The following SAR1B variants were observed in gnomAD, a reference collection of about 807,000 sequenced individuals.
SAR1B encodes the protein secretion associated Ras related GTPase 1B.
A neutral mutation model predicts 26.8 loss-of-function variants in SAR1B; 23 were observed. That is an observed-to-expected ratio of 0.86 (90% CI 0.62 to 1.22). The LOEUF (loss-of-function observed/expected upper bound fraction) is 1.22, where lower values mean the gene tolerates loss of function less well. Among genes scored for constraint, SAR1B ranks in the 50% most tolerant of loss-of-function variants. The pLI, the probability that SAR1B is intolerant of heterozygous loss-of-function variation, is 0.00. For synonymous variants in SAR1B, 65 were observed against 80.8 expected (o/e 0.80, Z 1.05); for missense variants, 196 against 232.8 (o/e 0.84, Z 1.03).
In SAR1B at chr5:134,612,680, A is replaced by AAT; in HGVS notation, c.244+10_244+11insAT. On this transcript the variant is annotated intron_variant, in intron 4 of 6. Transcript: ENST00000402673. ...AAAAAAAAAAAAAAAAAAAAAAAAA[A>AAT]AGAATCTTACCTTGAACATGTCCAC... 1 of 1,043,434 alleles carries AAT rather than the reference A, an allele frequency of 9.6e-7. No individual in the cohort carries two copies. Among genetic ancestry groups the AAT allele is most frequent in the Non-Finnish European group, 1.3e-6 (1 of 760,638 alleles). The allele number at this position is 1,043,434 out of a possible 1,614,324, so 64.6% of individuals were successfully genotyped here.
intron 4 of SAR1B, among the ~76,000 whole-genome samples, chr5:134,611,941 T>C (rs754514653): frequency 1.3e-5 from 2 of 152,062 alleles, no homozygotes; most frequent in Non-Finnish European, 2.9e-5. Context: ...GATGAGAGGA[T>C]TGCTTGAGCC....
chr5:134,627,466 G>T (rs929603432), intron 1 of SAR1B, among the ~76,000 whole-genome samples: 2 of 151,974 alleles, frequency 1.3e-5, no homozygotes, highest in African/African-American at 2.4e-5. Context: ...CTGAGTACCT[G>T]GGGGCTACAG....
chr5:134,608,274 A>G, intron 6 of SAR1B, 98 bp downstream of exon 6: 9 of 1,280,458 alleles, frequency 7.0e-6, no homozygotes, highest in Non-Finnish European at 9.7e-6. Flanking sequence ...TCTTTAAGAA[A>G]ATGATAATGG....
At chr5:134,621,192 G>A (rs1166305130) in intron 2 of SAR1B, 140 bp from the exon 3 acceptor site, 18 of 928,330 alleles carry the variant, frequency 1.9e-5, no homozygotes, top group East Asian at 2.8e-5. Flanking sequence ...ATTCATGGCC[G>A]GGCACGGTGG....
chr5:134,617,742 C>T (rs985517207), intron 3 of SAR1B, among the ~76,000 whole-genome samples: 4 of 152,032 alleles, frequency 2.6e-5, no homozygotes, highest in South Asian at 2.1e-4. Context: ...AATGCAGTGG[C>T]GCCATCTTGG....
chr5:134,612,604 C>A, intron 4 of SAR1B, 87 bp downstream of exon 4: 2 of 1,254,332 alleles, frequency 1.6e-6, no homozygotes. Context: ...GAGATTGCAC[C>A]ACTGCACTCC....
intron 2 of SAR1B, among the ~76,000 whole-genome samples, chr5:134,622,684 A>G (rs1036072793): frequency 6.6e-6 from 1 of 151,628 alleles, no homozygotes; most frequent in Non-Finnish European, 1.5e-5. Flanking sequence ...TGCTGGGATT[A>G]CAGGCGTGAG....
At chr5:134,622,633 A>G (rs1765429323) in intron 2 of SAR1B, among the ~76,000 whole-genome samples, 1 of 150,840 alleles carries the variant, frequency 6.6e-6, no homozygotes, top group African/African-American at 2.4e-5. Flanking sequence ...GATGGTCTTG[A>G]TCTCCTGACC....
rs1433143387 is a variant in SAR1B, at chr5:134,604,435, C to T, written c.*2515G>A. ...CTGTGCTTCTACTGTTTCTTGCCAT[C>T]CTCTTAATTTGGTTCTCTTGAAAAA... is the stretch of plus-strand genomic sequence containing the variant. On this transcript the variant is annotated 3_prime_UTR_variant, in exon 7 of 7. Coordinates refer to ENST00000402673, the MANE Select transcript of SAR1B (RefSeq NM_016103.4). The T allele has an allele frequency of 6.6e-6, 1 of 152,204 alleles. No homozygotes were observed. The highest frequency in any genetic ancestry group is 2.4e-5 in the African/African-American group (1 of 41,436). 9.4% of individuals were successfully genotyped at this position (152,204 alleles called of 1,614,324 possible).
At chr5:134,624,089 T>C (rs1765457614) in intron 1 of SAR1B, 52 bp from the exon 2 acceptor site, 1 of 980,448 alleles carries the variant, frequency 1.0e-6, no homozygotes. Flanking sequence ...CCAATATACA[T>C]TAAACTCCAA....
At chr5:134,608,706 A>G (rs2150049802) in intron 5 of SAR1B, among the ~76,000 whole-genome samples, 1 of 152,306 alleles carries the variant, frequency 6.6e-6, no homozygotes, top group East Asian at 1.9e-4. Context: ...CTCTTCCTGT[A>G]AATGTTTACT....
Position 134,605,105 on chromosome 5 carries a change from C to T in SAR1B, c.*1845G>A, listed in dbSNP as rs759179433. On this transcript the variant is annotated 3_prime_UTR_variant, in exon 7 of 7. Transcript: ENST00000402673. ...TGAAACCAAATGTCATCTTAAGAAG[C>T]GACCTTGTCAGCTTAGCTAAATAGT... 10 of 152,172 alleles carry T rather than the reference C, an allele frequency of 6.6e-5. No homozygotes were observed. The highest frequency in any genetic ancestry group is 1.9e-4 in the East Asian group (1 of 5,198). 9.4% of individuals were successfully genotyped at this position (152,172 alleles called of 1,614,324 possible). A position where few individuals can be genotyped will look rare whatever the true frequency, so the allele number is the denominator to read the frequency against.
chr5:134,631,082 T>A (rs1211568932), intron 1 of SAR1B, among the ~76,000 whole-genome samples: 1 of 151,436 alleles, frequency 6.6e-6, no homozygotes, highest in Admixed American at 6.6e-5. Flanking sequence ...TTTTTTTTTT[T>A]AATGTAGAGA....
At chr5:134,612,400 A>C (rs944978000) in intron 4 of SAR1B, among the ~76,000 whole-genome samples, 1 of 152,136 alleles carries the variant, frequency 6.6e-6, no homozygotes, top group African/African-American at 2.4e-5. Flanking sequence ...TAATGGCCAC[A>C]TTTTTGTTAA....
At chr5:134,631,465 G>A (rs945339798) in intron 1 of SAR1B, 6 of 152,160 alleles carry the variant, frequency 3.9e-5, no homozygotes, top group African/African-American at 4.8e-5. Flanking sequence ...CTTACTCATA[G>A]TAGTCAATAA....
rs1037743819 is a variant in SAR1B at position 134,604,848 on chromosome 5, G to A, written c.*2102C>T. On this transcript the variant is annotated 3_prime_UTR_variant, in exon 7 of 7. Coordinates refer to ENST00000402673, the MANE Select transcript of SAR1B (RefSeq NM_016103.4). The stretch of plus-strand genomic sequence containing the variant: ...CTAGGAAATACTTGAAGAAAGGCAG[G>A]TCCCTGAAGGTACAGATAACATGAA... 3 of 152,138 alleles carry A rather than the reference G, an allele frequency of 2.0e-5. No homozygotes were observed. The highest frequency in any genetic ancestry group is 1.3e-4 in the Admixed American group (2 of 15,254). The allele number at this position is 152,138 out of a possible 1,614,324, so 9.4% of individuals were successfully genotyped here.
At chr5:134,615,764 C>G (rs1391967415) in intron 3 of SAR1B, among the ~76,000 whole-genome samples, 1 of 152,050 alleles carries the variant, frequency 6.6e-6, no homozygotes, top group Non-Finnish European at 1.5e-5. Flanking sequence ...TTGCAGTGAG[C>G]CGAGATTGCA....
chr5:134,622,571 T>C lies in SAR1B; in HGVS notation c.58+1391A>G, dbSNP rs551440242. Among the ~76,000 whole-genome samples, 666 of 151,616 alleles carry C rather than the reference T, an allele frequency of 4.4e-3. 4 individuals are homozygous for C. The highest frequency in any genetic ancestry group is 0.015 in the African/African-American group (634 of 41,406). ...GACTACAGGCGCGTGCCACCATGCC[T>C]GTCTAATTTTTTGTATTTTTAGTAG... On this transcript the variant is annotated intron_variant, in intron 2 of 6. Coordinates refer to ENST00000402673, the MANE Select transcript of SAR1B (RefSeq NM_016103.4).
rs547161620 is a variant in SAR1B, at chr5:134,626,505, T to C, written c.-18-2468A>G. Among the ~76,000 whole-genome samples the C allele has an allele frequency of 3.9e-5, 6 of 152,190 alleles. 1 individual carries two copies. In the South Asian group the frequency reaches 1.2e-3, roughly 32 times the overall value. ...TTACACAACACCATGAACACACTAT[T>C]AAGACATGTGAAGAGCAAAGGTCAA... On this transcript the variant is annotated intron_variant, in intron 1 of 6. Transcript: ENST00000402673.
Sources: allele counts gnomAD v4.1 joint callset (sites outside exome capture counted in the v4.1 genomes callset), GRCh38; gene constraint gnomAD v4.1.1; transcripts MANE v1.5; gene names NCBI Gene and HGNC (gene_info 2026-07-23, HGNC 2026-07-21).